Variants in FAM228B observed in about 807,000 individuals in gnomAD.
FAM228B encodes the protein family with sequence similarity 228 member B.
In FAM228B, 38 loss-of-function variants were observed where a neutral mutation model predicts 42.6. That is an observed-to-expected ratio of 0.89 (90% CI 0.69 to 1.17). The LOEUF is 1.17. FAM228B is among the 50% of genes most tolerant of loss of function. The pLI is 0.00. For synonymous variants in FAM228B, 109 were observed against 122.3 expected (o/e 0.89, Z 0.72); for missense variants, 344 against 367.3 (o/e 0.94, Z 0.52).
intron 7 of FAM228B, among the ~76,000 whole-genome samples, chr2:24,154,128 A>C (rs1667080867): frequency 1.5e-4 from 1 of 6,594 alleles, no homozygotes; most frequent in African/African-American, 1.7e-4. Flanking sequence ...TGCTCTCCTC[A>C]TGCCTCTTTT....
chr2:24,115,246 TAA>T (rs1665876854), intron 3 of FAM228B: 1 of 242,936 alleles, frequency 4.1e-6, no homozygotes, highest in South Asian at 7.1e-5. Context: ...ATGTCTTGGA[TAA>T]AGAGTGGTGA....
chr2:24,115,726 CACTGTGCTAGGT>C, intron 3 of FAM228B: 1 of 1,155,420 alleles, frequency 8.7e-7, no homozygotes, highest in Non-Finnish European at 1.3e-6. Flanking sequence ...ATGTGCTAGG[CACTGTGCTAGGT>C]ACTGGAGAAA....
chr2:24,152,050 G>A (rs762345986), intron 7 of FAM228B, among the ~76,000 whole-genome samples: 57 of 151,044 alleles, frequency 3.8e-4, no homozygotes, highest in Admixed American at 4.6e-4. Flanking sequence ...TCTATTTTTA[G>A]TAGAGACAGG....
Position 24,077,706 on chromosome 2 carries a change from G to A in FAM228B, c.-290+737G>A, listed in dbSNP as rs1488967764. Reference sequence around the variant, plus strand: ...CGGCAGCAGACGTTGGGGGCCCTCCGTGGAGAAGTGAGGCAGAATTTGCTC... The same window carrying A: ...CGGCAGCAGACGTTGGGGGCCCTCCATGGAGAAGTGAGGCAGAATTTGCTC... On this transcript the variant is annotated intron_variant, in intron 1 of 10. Coordinates refer to the FAM228B transcript ENST00000613899. This position sits in a 1 kb window ranked among gnomAD's most constrained non-coding sequence, Gnocchi z 5.5. 6 of 1,613,952 alleles carry A rather than the reference G, an allele frequency of 3.7e-6. No individual in the cohort carries two copies. The highest frequency in any genetic ancestry group is 5.1e-6 in the Non-Finnish European group (6 of 1,179,978).
intron 8 of FAM228B, among the ~76,000 whole-genome samples, chr2:24,162,644 A>G (rs1384880459): frequency 6.6e-6 from 1 of 152,234 alleles, no homozygotes; most frequent in Non-Finnish European, 1.5e-5. Flanking sequence ...AGCATTATTC[A>G]CAACAGCCAA....
intron 3 of FAM228B, among the ~76,000 whole-genome samples, chr2:24,112,700 T>C (rs942673314): frequency 6.6e-6 from 1 of 152,230 alleles, no homozygotes; most frequent in Non-Finnish European, 1.5e-5. Context: ...AATAGTTTTC[T>C]AAAAGTACTG....
At chr2:24,108,683 C>T (rs556154268) in intron 3 of FAM228B, among the ~76,000 whole-genome samples, 12 of 152,094 alleles carry the variant, frequency 7.9e-5, no homozygotes, top group Admixed American at 2.0e-4. Context: ...GGGCAGATCA[C>T]GAGGTCATGA....
chr2:24,115,478 T>C, intron 3 of FAM228B: 3 of 952,068 alleles, frequency 3.2e-6, no homozygotes, highest in East Asian at 2.5e-5. Flanking sequence ...TCTTCTTTTT[T>C]AGTGCCTTCT....
chr2:24,080,760 T>C lies in FAM228B; in HGVS notation c.-289-116T>C. On this transcript the variant is annotated intron_variant, in intron 1 of 10. Coordinates refer to the FAM228B transcript ENST00000613899. The surrounding 1 kb of genome is among the most constrained non-coding windows in gnomAD (Gnocchi z 4.7). Reference sequence around the variant, plus strand: ...ACAGCACTGGCAACTTTGAGACTGGTGGGGCTTTTATTTAATCATCTCTTA... The same window carrying C: ...ACAGCACTGGCAACTTTGAGACTGGCGGGGCTTTTATTTAATCATCTCTTA... The C allele has an allele frequency of 1.2e-6, 2 of 1,605,016 alleles. No individual in the cohort carries two copies. Among genetic ancestry groups the C allele is most frequent in the Non-Finnish European group, 1.7e-6 (2 of 1,173,082 alleles).
At chr2:24,090,266 T>C (rs144315300) in intron 2 of FAM228B, among the ~76,000 whole-genome samples, 1,651 of 148,452 alleles carry the variant, frequency 0.011, 20 homozygotes, top group South Asian at 0.046. Flanking sequence ...AGACTCCGTC[T>C]CAAAAACAAA....
chr2:24,122,601 A>C, upstream of FAM228B: 1 of 1,065,380 alleles, frequency 9.4e-7, no homozygotes, highest in Non-Finnish European at 1.5e-6. Flanking sequence ...TTTAAAAGGC[A>C]TGTGAATACA....
chr2:24,097,582 A>C (rs1418125268), intron 3 of FAM228B: 2 of 152,224 alleles, frequency 1.3e-5, no homozygotes, highest in Non-Finnish European at 2.9e-5. Context: ...AGAAGAGCTA[A>C]CTATCCTAAA....
chr2:24,085,260 C>T (rs1334415563), intron 2 of FAM228B: 1 of 152,140 alleles, frequency 6.6e-6, no homozygotes, highest in Non-Finnish European at 1.5e-5. Flanking sequence ...TCCTGGGATC[C>T]TTATCACTCG....
chr2:24,078,631 C>T (rs147935951), intron 1 of FAM228B, among the ~76,000 whole-genome samples: 62 of 152,244 alleles, frequency 4.1e-4, no homozygotes, highest in African/African-American at 1.4e-3. Context: ...AAATGTGTAA[C>T]TTCTGTTCTG....
chr2:24,116,094 C>T (rs1031608563), intron 3 of FAM228B, among the ~76,000 whole-genome samples: 1 of 151,490 alleles, frequency 6.6e-6, no homozygotes, highest in Admixed American at 6.6e-5. Flanking sequence ...TTTGGGAGGC[C>T]GAGGTGGGTT....
chr2:24,126,875 C>T (rs371161513), intron 2 of FAM228B, among the ~76,000 whole-genome samples: 118 of 152,288 alleles, frequency 7.7e-4, no homozygotes, highest in African/African-American at 2.7e-3. Context: ...CTGCCCGCCT[C>T]GGCCTCCCAA....
At chr2:24,079,186 G>A in intron 1 of FAM228B, 2 of 472,978 alleles carry the variant, frequency 4.2e-6, no homozygotes, top group Non-Finnish European at 7.6e-6. Flanking sequence ...AATATAGTCA[G>A]TGCTTTCTTC....
rs1558356898 is a variant in FAM228B, at chr2:24,077,489, C to T, written c.-290+520C>T. ...CTTTAAACGGCTCTGGAGGAAGCACCGGGTTTCTTGGCCTGTCTATTGTGA... is the reference window on the plus strand; with the variant it reads ...CTTTAAACGGCTCTGGAGGAAGCACTGGGTTTCTTGGCCTGTCTATTGTGA... On this transcript the variant is annotated intron_variant, in intron 1 of 10. Coordinates refer to the FAM228B transcript ENST00000613899. The surrounding 1 kb of genome is among the most constrained non-coding windows in gnomAD (Gnocchi z 5.5). 2 of 1,412,928 alleles carry T rather than the reference C, an allele frequency of 1.4e-6. No homozygotes were observed. The highest frequency in any genetic ancestry group is 2.9e-5 in the South Asian group (2 of 69,068). The allele number at this position is 1,412,928 out of a possible 1,614,324, so 87.5% of individuals were successfully genotyped here.
upstream of FAM228B, among the ~76,000 whole-genome samples, chr2:24,120,619 G>A (rs1230712551): frequency 1.3e-5 from 2 of 151,990 alleles, no homozygotes; most frequent in African/African-American, 2.4e-5. Flanking sequence ...GCAATGGCAC[G>A]ATCTCGGCTC....
Sources: allele counts gnomAD v4.1 joint callset (sites outside exome capture counted in the v4.1 genomes callset), GRCh38; gene constraint gnomAD v4.1.1; non-coding constraint Gnocchi (gnomAD v3.1); transcripts MANE v1.5; gene names NCBI Gene and HGNC (gene_info 2026-07-23, HGNC 2026-07-21).